The following BSCL2 variants were observed in gnomAD, a reference collection of about 807,000 sequenced individuals.
BSCL2 encodes BSCL2 lipid droplet biogenesis associated, seipin.
A neutral mutation model predicts 57.4 loss-of-function variants in BSCL2; 41 were observed. The ratio of observed to expected loss-of-function variants is 0.71; its 90% CI spans 0.56 to 0.93. The LOEUF is 0.93. Among genes scored for constraint, BSCL2 ranks in the 40% least tolerant of loss-of-function variants. The pLI, the probability that BSCL2 is intolerant of heterozygous loss-of-function variation, is 0.00. For missense variants in BSCL2, 539 were observed against 586.7 expected, an observed-to-expected ratio of 0.92 and a Z score of 0.84; for synonymous variants, 237 against 227.3, an observed-to-expected ratio of 1.04 and a Z score of -0.38.
At position 62,694,568 on chromosome 11, in the gene BSCL2, C is replaced by A. The variant is rs150158560; in HGVS notation, c.630G>T (p.Ser210=). 5 of 1,613,948 alleles carry A rather than the reference C, an allele frequency of 3.1e-6. No homozygotes were observed. The highest frequency in any genetic ancestry group is 4.2e-6 in the Non-Finnish European group (5 of 1,179,998). ...GGRIISTSSR[S]VMLHYRSDLL... ...TCTCAGACAGGCCACCAACACTTAC[C>A]GAACGCGAAGAAGTGGAGATGATTC... The change falls in exon 4 of 11, where the codon TCG becomes TCT. Residue 210 remains serine, a splice_region_variant and synonymous_variant. Transcript: ENST00000360796.
Position 62,707,379 on chromosome 11 carries a change from A to G in BSCL2, c.-184T>C. On this transcript the variant is annotated 5_prime_UTR_variant, in exon 1 of 11. Transcript: ENST00000360796. Reference sequence around the variant, plus strand: ...AGTGCTGTGTCAGAGTAGAGGGAGGAAAGGAGGAGGGGGGCGACTGCCCAG... The same window carrying G: ...AGTGCTGTGTCAGAGTAGAGGGAGGGAAGGAGGAGGGGGGCGACTGCCCAG... 1.4e-6 allele frequency: 1 copy of G among 716,798 alleles called. No homozygotes were observed. Among genetic ancestry groups the G allele is most frequent in the Non-Finnish European group, 2.5e-6 (1 of 397,956 alleles). 44.4% of individuals were successfully genotyped at this position (716,798 alleles called of 1,614,324 possible). A position where few individuals can be genotyped will look rare whatever the true frequency, so the allele number is the denominator to read the frequency against.
upstream of BSCL2, chr11:62,708,310 C>G (rs572417715): frequency 6.1e-5 from 99 of 1,611,424 alleles, 1 homozygote; most frequent in Middle Eastern, 4.0e-3. Flanking sequence ...AAGGTGAGAC[C>G]CCGGTGAACA....
intron 4 of BSCL2, among the ~76,000 whole-genome samples, chr11:62,693,486 A>G (rs1945366323): frequency 6.6e-6 from 1 of 152,176 alleles, no homozygotes; most frequent in Non-Finnish European, 1.5e-5. Flanking sequence ...CCTGGGCGAC[A>G]GAGCAAGATC....
At chr11:62,693,483 G>A (rs1310271475) in intron 4 of BSCL2, among the ~76,000 whole-genome samples, 1 of 152,078 alleles carries the variant, frequency 6.6e-6, no homozygotes, top group Non-Finnish European at 1.5e-5. Flanking sequence ...CAGCCTGGGC[G>A]ACAGAGCAAG....
intron 6 of BSCL2, 105 bp downstream of exon 6, chr11:62,692,271 A>G: frequency 1.6e-6 from 2 of 1,215,890 alleles, no homozygotes; most frequent in Non-Finnish European, 2.4e-6. Context: ...GTGAAACCCA[A>G]GTCAGCTCTG....
At chr11:62,698,593 C>T (rs1945544668) in intron 3 of BSCL2, among the ~76,000 whole-genome samples, 1 of 152,208 alleles carries the variant, frequency 6.6e-6, no homozygotes, top group Admixed American at 6.5e-5. Flanking sequence ...GAGCAGCGAC[C>T]ACATCTACTT....
At chr11:62,703,633 G>A (rs188308162) in intron 2 of BSCL2, among the ~76,000 whole-genome samples, 1,974 of 151,384 alleles carry the variant, frequency 0.013, 44 homozygotes, top group African/African-American at 0.046. Flanking sequence ...TTACAGGTGT[G>A]AGCCACCGCG....
intron 3 of BSCL2, among the ~76,000 whole-genome samples, chr11:62,697,775 CAG>C (rs1945514399): frequency 6.9e-6 from 1 of 145,268 alleles, no homozygotes; most frequent in South Asian, 2.2e-4. Context: ...GCCTGGGCAA[CAG>C]AGAGAGACTC....
At chr11:62,709,459 G>A (rs1055684475), upstream of BSCL2, 11 of 453,964 alleles carry the variant, frequency 2.4e-5, no homozygotes, top group African/African-American at 1.0e-4. Flanking sequence ...AGGCCGAAGA[G>A]GGGGGATTTA....
chr11:62,690,797 G>C lies in BSCL2; in HGVS notation c.1143C>G (p.Pro381=), dbSNP rs150914934. 6.2e-7 allele frequency: 1 copy of C among 1,613,662 alleles called. No homozygotes were observed. The highest frequency in any genetic ancestry group is 2.2e-5 in the East Asian group (1 of 44,878). ...GTGGCTGCGCCATACCTGTCCCTGA[G>C]GGATCTTCAGGGCTCTCACCATCCT... is the stretch of plus-strand genomic sequence containing the variant. ...VTEDGESPED[P]SGTEGQLSEE... The change falls in exon 9 of 11, where the codon CCC becomes CCG. Residue 381 remains proline (P), a synonymous_variant. Coordinates refer to ENST00000360796, the MANE Select transcript of BSCL2 (RefSeq NM_001122955.4).
intron 3 of BSCL2, among the ~76,000 whole-genome samples, chr11:62,699,683 T>TG (rs1945583426): frequency 6.8e-6 from 1 of 146,880 alleles, no homozygotes; most frequent in Non-Finnish European, 1.5e-5. Context: ...TGGTTTTTTT[T>TG]TTTTTTTTTT....
At position 62,690,426 on chromosome 11, in the gene BSCL2, C is replaced by T. The variant is rs1488410118; in HGVS notation, c.1330G>A (p.Gly444Ser). 1.2e-6 allele frequency: 2 copies of T among 1,614,098 alleles called. No individual in the cohort carries two copies. The highest frequency in any genetic ancestry group is 1.7e-6 in the Non-Finnish European group (2 of 1,180,012). The change falls in exon 11 of 11, where the codon GGC becomes AGC. Residue 444 changes from glycine to serine, a missense_variant. Gly to Ser is a moderately conservative substitution (Grantham distance 56). This residue lies in a region of BSCL2 where 248 missense variants were observed against 239.9 expected (regional missense o/e 1.03). Transcript: ENST00000360796. ...GCACCCCCAGCAGGTTCAGAGCTGC[C>T]CAGAGTCTCTAGGACAGGGGCAGAA... ...SASAPVLETL[G>S]SSEPAGGALR... is the part of the protein sequence containing the mutation.
At chr11:62,692,567 T>C in intron 5 of BSCL2, 94 bp from the exon 6 acceptor site, 1 of 1,611,926 alleles carries the variant, frequency 6.2e-7, no homozygotes, top group Admixed American at 1.7e-5. Context: ...AGTCTCTCAG[T>C]TGTGATGTCT....
chr11:62,690,482 G>A lies in BSCL2; in HGVS notation c.1274C>T (p.Ala425Val). ...SWEDAALLTE[A>V]NLPAPAPASA... ...AGCAGGAGCAGGAGCAGGCAGGTTG[G>A]CCTCCGTCAGCAAAGCTGCATCTTC... Residue 425 changes from alanine (A) to valine (V), a missense_variant, in exon 11 of 11, where the codon GCC becomes GTC. Transcript: ENST00000360796. The A allele has an allele frequency of 6.2e-7, 1 of 1,614,150 alleles. No homozygotes were observed. The highest frequency in any genetic ancestry group is 8.5e-7 in the Non-Finnish European group (1 of 1,180,028).
chr11:62,697,921 T>G (rs1283419966), intron 3 of BSCL2, among the ~76,000 whole-genome samples: 1 of 151,398 alleles, frequency 6.6e-6, no homozygotes, highest in Non-Finnish European at 1.5e-5. Flanking sequence ...TTTTTTTTTT[T>G]TTTTGAGACG....
Position 62,691,114 on chromosome 11 carries a change from G to C in BSCL2, c.1033C>G (p.Arg345Gly). 6.2e-7 allele frequency: 1 copy of C among 1,614,196 alleles called. No homozygotes were observed. Residue 345 changes from arginine (R) to glycine (G), a missense_variant, in exon 8 of 11, where the codon CGG becomes GGG. Arg to Gly is a moderately radical substitution (Grantham distance 125, BLOSUM62 -2). Transcript: ENST00000360796. ...GAGATCCTTCGTTGGACTTCCTTCC[G>C]GGAATTGTCTCTTTTTCGGATGTTA... ...QVNIRKRDNSRKEVQRRISAH... is the reference protein window; with the variant it reads ...QVNIRKRDNSGKEVQRRISAH...
chr11:62,708,543 G>C, upstream of BSCL2: 1 of 1,320,010 alleles, frequency 7.6e-7, no homozygotes, highest in Non-Finnish European at 1.1e-6. Context: ...CTGTCCCCAG[G>C]CCTCTGGGGG....
chr11:62,691,650 T>C (rs1945313040), intron 6 of BSCL2, among the ~76,000 whole-genome samples: 1 of 152,152 alleles, frequency 6.6e-6, no homozygotes, highest in Non-Finnish European at 1.5e-5. Context: ...ACAGCCTCAA[T>C]GTTGTCTGTC....
intron 6 of BSCL2, among the ~76,000 whole-genome samples, chr11:62,692,027 A>G (rs368262679): frequency 1.2e-3 from 176 of 148,880 alleles, no homozygotes; most frequent in East Asian, 5.8e-3. Flanking sequence ...ACTCCAGCCT[A>G]GGCAACAGAG....
Sources: allele counts gnomAD v4.1 joint callset (sites outside exome capture counted in the v4.1 genomes callset), GRCh38; gene constraint gnomAD v4.1.1; regional missense constraint gnomAD v4.1.1; transcripts MANE v1.5; gene names NCBI Gene and HGNC (gene_info 2026-07-23, HGNC 2026-07-21).